PKNOX2: variants seen among roughly 807,000 people sequenced by gnomAD.
PKNOX2 encodes homeobox protein PKNOX2.
Under a neutral mutation model 53.1 loss-of-function variants are expected in PKNOX2, and 14 were observed. The ratio of observed to expected loss-of-function variants is 0.26; its 90% CI spans 0.17 to 0.41. The LOEUF (loss-of-function observed/expected upper bound fraction) is 0.41, where lower values mean the gene tolerates loss of function less well. Among genes scored for constraint, PKNOX2 ranks in the 10% least tolerant of loss-of-function variants. The pLI, the probability that PKNOX2 is intolerant of heterozygous loss-of-function variation, is 1.00. For synonymous variants in PKNOX2, 257 were observed against 242.8 expected, an observed-to-expected ratio of 1.06 and a Z score of -0.54; for missense variants, 496 against 602.8, an observed-to-expected ratio of 0.82 and a Z score of 1.85.
chr11:125,342,332 C>T (rs1268472017), intron 3 of PKNOX2, among the ~76,000 whole-genome samples: 1 of 152,152 alleles, frequency 6.6e-6, no homozygotes, highest in East Asian at 1.9e-4. Context: ...GCGTAGGCTT[C>T]AGGGTCCCTC....
chr11:125,429,224 C>CA (rs1448976717), intron 11 of PKNOX2, 136 bp downstream of exon 11: 6 of 831,670 alleles, frequency 7.2e-6, no homozygotes, highest in Non-Finnish European at 1.1e-5. Context: ...CCAGTCCCCC[C>CA]ATTTAGGCTA....
At chr11:125,315,351 G>A (rs1368898668) in intron 2 of PKNOX2, among the ~76,000 whole-genome samples, 3 of 141,250 alleles carry the variant, frequency 2.1e-5, no homozygotes, top group African/African-American at 7.7e-5. Context: ...CATTAAAATT[G>A]ATGCGTTATT....
At chr11:125,272,597 C>T (rs1945873751) in intron 2 of PKNOX2, among the ~76,000 whole-genome samples, 2 of 152,226 alleles carry the variant, frequency 1.3e-5, no homozygotes, top group East Asian at 1.9e-4. Flanking sequence ...AGGATTTGGG[C>T]CTTGTTCTAC....
intron 10 of PKNOX2, 32 bp downstream of exon 10, chr11:125,411,897 C>T: frequency 1.4e-5 from 22 of 1,613,226 alleles, no homozygotes; most frequent in Non-Finnish European, 1.8e-5. Context: ...GTGTGGAGTC[C>T]CGGCATGGGG....
At chr11:125,262,931 A>G (rs187570833) in intron 2 of PKNOX2, among the ~76,000 whole-genome samples, 1 of 151,834 alleles carries the variant, frequency 6.6e-6, no homozygotes, top group Non-Finnish European at 1.5e-5. Context: ...TTGTTCAGTC[A>G]TCGGCGCCCC....
intron 2 of PKNOX2, among the ~76,000 whole-genome samples, chr11:125,255,184 C>T (rs571446890): frequency 1.3e-4 from 20 of 152,314 alleles, no homozygotes; most frequent in Middle Eastern, 3.4e-3. Flanking sequence ...GATCAAAAAT[C>T]GGCATTGTGA....
At chr11:125,310,427 G>A (rs1001886740) in intron 2 of PKNOX2, among the ~76,000 whole-genome samples, 19 of 151,556 alleles carry the variant, frequency 1.3e-4, no homozygotes, top group Non-Finnish European at 2.4e-4. Context: ...CCCAGGAGGC[G>A]GAGGTTGCAG....
intron 2 of PKNOX2, among the ~76,000 whole-genome samples, chr11:125,320,235 C>G (rs1213850196): frequency 1.3e-5 from 2 of 152,096 alleles, no homozygotes; most frequent in Non-Finnish European, 2.9e-5. Flanking sequence ...AATCTAGGAA[C>G]CATAGAAATA....
intron 5 of PKNOX2, among the ~76,000 whole-genome samples, chr11:125,375,672 A>T (rs1952792513): frequency 6.6e-6 from 1 of 152,150 alleles, no homozygotes; most frequent in Non-Finnish European, 1.5e-5. Flanking sequence ...GTGTGTGTTT[A>T]GTCCTTGACT....
At chr11:125,307,101 C>T (rs1032318911) in intron 2 of PKNOX2, among the ~76,000 whole-genome samples, 8 of 152,048 alleles carry the variant, frequency 5.3e-5, no homozygotes, top group African/African-American at 1.9e-4. Flanking sequence ...ATACCTGTGC[C>T]CTCCTTAAGA....
At chr11:125,374,541 T>C (rs1214146365) in intron 5 of PKNOX2, among the ~76,000 whole-genome samples, 1 of 152,210 alleles carries the variant, frequency 6.6e-6, no homozygotes, top group African/African-American at 2.4e-5. Flanking sequence ...GCCCTTTCTA[T>C]GGCATCATAA....
chr11:125,406,917 T>TAAAA (rs67687488), intron 7 of PKNOX2, among the ~76,000 whole-genome samples: 3 of 41,716 alleles, frequency 7.2e-5, no homozygotes, highest in African/African-American at 1.1e-4. Flanking sequence ...AATCTATGTC[T>TAAAA]AAAAAAAAAA....
chr11:125,334,214 C>G (rs1015353802), intron 3 of PKNOX2, among the ~76,000 whole-genome samples: 1 of 152,216 alleles, frequency 6.6e-6, no homozygotes, highest in African/African-American at 2.4e-5. Context: ...TCTTCTGAGC[C>G]TGGTACTGTA....
chr11:125,425,983 T>A (rs1367315849), intron 10 of PKNOX2, among the ~76,000 whole-genome samples: 3 of 152,174 alleles, frequency 2.0e-5, no homozygotes, highest in Non-Finnish European at 2.9e-5. Flanking sequence ...TCTATCCTCA[T>A]TCATAAGAGA....
intron 1 of PKNOX2, among the ~76,000 whole-genome samples, chr11:125,171,334 C>T (rs1477431638): frequency 6.6e-6 from 1 of 152,200 alleles, no homozygotes; most frequent in Non-Finnish European, 1.5e-5. Context: ...GCAGCAAAAA[C>T]AAAGCCAAGA....
chr11:125,176,117 G>A (rs1955690251), intron 1 of PKNOX2, among the ~76,000 whole-genome samples: 1 of 152,146 alleles, frequency 6.6e-6, no homozygotes, highest in Admixed American at 6.5e-5. Context: ...AGCGCCCGGT[G>A]GTTTTGCCAA....
intron 2 of PKNOX2, among the ~76,000 whole-genome samples, chr11:125,304,600 G>T (rs995814540): frequency 1.3e-5 from 2 of 152,196 alleles, no homozygotes; most frequent in Non-Finnish European, 2.9e-5. Context: ...TCAGGTCACA[G>T]ATGCATTAAA....
chr11:125,258,125 A>G (rs1365622586), intron 2 of PKNOX2, among the ~76,000 whole-genome samples: 1 of 151,946 alleles, frequency 6.6e-6, no homozygotes, highest in Non-Finnish European at 1.5e-5. Context: ...CTGGTCACCA[A>G]AGCTTTCTTC....
rs776877242 is a variant in PKNOX2, at chr11:125,166,114, G to T, written c.-201+1338G>T. Among the ~76,000 whole-genome samples, 7 of 152,124 alleles carry T rather than the reference G, an allele frequency of 4.6e-5. No individual in the cohort carries two copies. The highest frequency in any genetic ancestry group is 1.3e-4 in the Admixed American group (2 of 15,274). On this transcript the variant is annotated intron_variant, in intron 1 of 12. Transcript: ENST00000298282. This position sits in a 1 kb window ranked among gnomAD's most constrained non-coding sequence, Gnocchi z 4.0. ...CCAGACTGTTTACGGAATCGGGATC[G>T]AGGGGCCGATAAGTAGTTTACACGC...
Sources: allele counts gnomAD v4.1 joint callset (sites outside exome capture counted in the v4.1 genomes callset), GRCh38; gene constraint gnomAD v4.1.1; non-coding constraint Gnocchi (gnomAD v3.1); transcripts MANE v1.5; gene names NCBI Gene and HGNC (gene_info 2026-07-23, HGNC 2026-07-21).